GLIS3: variants seen among roughly 807,000 people sequenced by gnomAD.
GLIS3 encodes zinc finger protein GLIS3.
GLIS3 carries 53 observed loss-of-function variants against 78.6 expected under a neutral mutation model. That is an observed-to-expected ratio of 0.67 (90% CI 0.54 to 0.85). The LOEUF is 0.85. GLIS3 is among the 40% of genes least tolerant of loss of function. The probability of loss-of-function intolerance (pLI) is 0.00; values close to 1 mark genes in which losing one functional copy is unlikely to be tolerated. For synonymous variants in GLIS3, 684 were observed against 509.9 expected (o/e 1.34, Z -4.60); for missense variants, 1,703 against 1,231.1 (o/e 1.38, Z -5.74).
intron 2 of GLIS3, among the ~76,000 whole-genome samples, chr9:4,253,960 A>T (rs188041198): frequency 6.6e-6 from 1 of 152,290 alleles, no homozygotes; most frequent in Non-Finnish European, 1.5e-5. Flanking sequence ...AGTCCCAATG[A>T]CATGAGCCAG....
chr9:3,834,357 G>C (rs929084845), intron 9 of GLIS3, among the ~76,000 whole-genome samples: 4 of 152,192 alleles, frequency 2.6e-5, no homozygotes, highest in African/African-American at 7.2e-5. Flanking sequence ...CTGTCCAAGA[G>C]AACTTTCCAT....
intron 4 of GLIS3, among the ~76,000 whole-genome samples, chr9:4,107,964 G>T (rs934669052): frequency 3.9e-5 from 6 of 152,038 alleles, no homozygotes; most frequent in Non-Finnish European, 7.4e-5. Context: ...GTGTGTGCAT[G>T]CATGTGTGCA....
chr9:4,031,846 G>T (rs1428970360), intron 4 of GLIS3, among the ~76,000 whole-genome samples: 1 of 152,128 alleles, frequency 6.6e-6, no homozygotes, highest in East Asian at 1.9e-4. Flanking sequence ...TACAATAAAG[G>T]TTCTTTTTAA....
the GLIS3 span, among the ~76,000 whole-genome samples, chr9:4,362,362 AT>A: frequency 6.6e-6 from 1 of 152,230 alleles, no homozygotes; most frequent in Non-Finnish European, 1.5e-5. Flanking sequence ...ACTGGAAATT[AT>A]AAAAGAAATT....
At chr9:4,074,443 C>A (rs1438918906) in intron 4 of GLIS3, among the ~76,000 whole-genome samples, 1 of 152,184 alleles carries the variant, frequency 6.6e-6, no homozygotes, top group African/African-American at 2.4e-5. Context: ...TGTCATCAAG[C>A]CCCACAATCC....
the GLIS3 span, among the ~76,000 whole-genome samples, chr9:4,382,638 A>G: frequency 6.6e-6 from 1 of 152,164 alleles, no homozygotes; most frequent in South Asian, 2.1e-4. Context: ...TCAGAAAAAT[A>G]TAGATACCAG....
intron 3 of GLIS3, among the ~76,000 whole-genome samples, chr9:4,125,335 G>A (rs926916152): frequency 5.9e-5 from 9 of 152,130 alleles, no homozygotes; most frequent in African/African-American, 1.7e-4. Context: ...TGAGCTGCCT[G>A]GAAACTCTGC....
chr9:4,451,387 C>T, the GLIS3 span, among the ~76,000 whole-genome samples: 1 of 152,124 alleles, frequency 6.6e-6, no homozygotes, highest in Admixed American at 6.5e-5. Flanking sequence ...TAGACTCCCA[C>T]ACAATAATAA....
chr9:4,073,732 T>C (rs28642058), intron 4 of GLIS3, among the ~76,000 whole-genome samples: 5,174 of 152,266 alleles, frequency 0.034, 290 homozygotes, highest in African/African-American at 0.12. Flanking sequence ...GCTCCCCCAA[T>C]AGCTTAGCTT....
chr9:4,055,117 T>C lies in GLIS3; in HGVS notation c.1710+62651A>G, dbSNP rs563368572. Among the ~76,000 whole-genome samples the C allele has an allele frequency of 1.1e-4, 16 of 152,354 alleles. 1 individual carries two copies. In the South Asian group the frequency reaches 3.1e-3, roughly 30 times the overall value. ...GGCAATGCCTTTTTCATCTTTCTCC[T>C]TTCCATTACTTCTGCATCCTGAACC... On this transcript the variant is annotated intron_variant, in intron 4 of 10. Transcript: ENST00000381971.
the GLIS3 span, among the ~76,000 whole-genome samples, chr9:4,447,922 T>A: frequency 6.6e-6 from 1 of 152,228 alleles, no homozygotes; most frequent in Non-Finnish European, 1.5e-5. Context: ...TTATTTCTAT[T>A]TTTATTTTTT....
intron 4 of GLIS3, among the ~76,000 whole-genome samples, chr9:4,042,150 C>T (rs1172972663): frequency 1.3e-5 from 2 of 151,736 alleles, no homozygotes; most frequent in East Asian, 3.9e-4. Flanking sequence ...CTTTAGTCAA[C>T]AATCTCTTGG....
chr9:4,381,725 C>G, the GLIS3 span, among the ~76,000 whole-genome samples: 1 of 152,230 alleles, frequency 6.6e-6, no homozygotes. Flanking sequence ...TCCATCCTGT[C>G]TGTATTGCTG....
intron 4 of GLIS3, among the ~76,000 whole-genome samples, chr9:4,081,053 G>A (rs1828519259): frequency 6.6e-6 from 1 of 152,294 alleles, no homozygotes; most frequent in Middle Eastern, 3.4e-3. Flanking sequence ...GATTACGGCA[G>A]TAGAGGGTAG....
intron 2 of GLIS3, among the ~76,000 whole-genome samples, chr9:4,265,827 C>T (rs1825946461): frequency 6.6e-6 from 1 of 152,056 alleles, no homozygotes; most frequent in Non-Finnish European, 1.5e-5. Context: ...ACAAGAACTA[C>T]CAAGGGTGAC....
At chr9:4,244,672 T>A (rs545426949) in intron 2 of GLIS3, among the ~76,000 whole-genome samples, 68 of 152,220 alleles carry the variant, frequency 4.5e-4, no homozygotes, top group Admixed American at 1.0e-3. Context: ...CCTCCTGGGT[T>A]CAAGTGATTC....
intron 4 of GLIS3, among the ~76,000 whole-genome samples, chr9:4,085,538 C>G (rs965355927): frequency 1.3e-5 from 2 of 152,126 alleles, no homozygotes; most frequent in African/African-American, 4.8e-5. Flanking sequence ...TCTCCCCTGC[C>G]CATTCTATCC....
At chr9:3,880,181 A>C (rs1348296623) in intron 7 of GLIS3, among the ~76,000 whole-genome samples, 1 of 152,162 alleles carries the variant, frequency 6.6e-6, no homozygotes, top group Non-Finnish European at 1.5e-5. Flanking sequence ...GGTGTGATGA[A>C]TATACTTGGC....
the GLIS3 span, among the ~76,000 whole-genome samples, chr9:4,385,435 C>T: frequency 0.024 from 3,579 of 152,136 alleles, 148 homozygotes; most frequent in African/African-American, 0.081. Context: ...AGCCTGAGGC[C>T]GGTGGATCAC....
Sources: gnomAD v4.1 joint callset for allele counts (sites outside exome capture counted in the v4.1 genomes callset) on GRCh38, gnomAD v4.1.1 for gene constraint, MANE v1.5 for transcripts, NCBI Gene and HGNC (gene_info 2026-07-23, HGNC 2026-07-21) for gene names.